Variants in FRMPD1 observed in about 807,000 individuals in gnomAD.
FRMPD1 encodes FERM and PDZ domain-containing protein 1.
A neutral mutation model predicts 117.8 loss-of-function variants in FRMPD1; 76 were observed. The observed-to-expected ratio is 0.65, with a 90% CI of 0.54 to 0.78. The LOEUF is 0.78. FRMPD1 is among the 30% of genes least tolerant of loss of function. The probability of loss-of-function intolerance (pLI) is 0.00; values close to 1 mark genes in which losing one functional copy is unlikely to be tolerated. For synonymous variants in FRMPD1, 783 were observed against 770.4 expected (o/e 1.02, Z -0.27); for missense variants, 1,786 against 1,964.5 (o/e 0.91, Z 1.72).
At chr9:37,706,385 G>T (rs1343321717) in intron 2 of FRMPD1, among the ~76,000 whole-genome samples, 1 of 152,172 alleles carries the variant, frequency 6.6e-6, no homozygotes, top group Non-Finnish European at 1.5e-5. Flanking sequence ...ATTAGGCAGG[G>T]TTCCTGAAAG....
chr9:37,619,479 C>T, the FRMPD1 span, among the ~76,000 whole-genome samples: 3 of 152,206 alleles, frequency 2.0e-5, no homozygotes, highest in Non-Finnish European at 2.9e-5. Flanking sequence ...TGAATCAAGG[C>T]CAGTGCAGTG....
chr9:37,606,118 G>A, the FRMPD1 span, among the ~76,000 whole-genome samples: 4 of 152,212 alleles, frequency 2.6e-5, no homozygotes, highest in Non-Finnish European at 4.4e-5. Flanking sequence ...TAGGGGCTAA[G>A]GTTATGGCAG....
intron 1 of FRMPD1, among the ~76,000 whole-genome samples, chr9:37,652,645 C>G (rs1459589699): frequency 1.3e-5 from 2 of 152,214 alleles, no homozygotes; most frequent in Non-Finnish European, 2.9e-5. Flanking sequence ...AGACCCCATC[C>G]TTGAAGCTAA....
At chr9:37,623,168 C>A in the FRMPD1 span, among the ~76,000 whole-genome samples, 3 of 152,160 alleles carry the variant, frequency 2.0e-5, no homozygotes, top group African/African-American at 7.2e-5. Context: ...ATGCTACATT[C>A]ATTGATGAAT....
At chr9:37,703,411 C>G (rs1309076214) in intron 2 of FRMPD1, among the ~76,000 whole-genome samples, 1 of 152,156 alleles carries the variant, frequency 6.6e-6, no homozygotes, top group East Asian at 1.9e-4. Flanking sequence ...AATTCACTTG[C>G]TTTGAGCATG....
the FRMPD1 span, among the ~76,000 whole-genome samples, chr9:37,639,288 G>A: frequency 2.0e-5 from 3 of 151,936 alleles, no homozygotes; most frequent in African/African-American, 4.8e-5. Context: ...CTTTGCAAGG[G>A]TATGATGTCA....
chr9:37,645,986 C>T (rs954897908), upstream of FRMPD1, among the ~76,000 whole-genome samples: 4 of 152,104 alleles, frequency 2.6e-5, no homozygotes, highest in South Asian at 2.1e-4. Context: ...AGAGGTGAGG[C>T]GATTTTCCCA....
intron 7 of FRMPD1, among the ~76,000 whole-genome samples, chr9:37,726,015 G>A (rs985467229): frequency 6.6e-6 from 1 of 152,186 alleles, no homozygotes; most frequent in Non-Finnish European, 1.5e-5. Context: ...AAAGGACTTT[G>A]AGGTAGTTTA....
At chr9:37,611,852 T>C in the FRMPD1 span, among the ~76,000 whole-genome samples, 184 of 152,300 alleles carry the variant, frequency 1.2e-3, 1 homozygote, top group African/African-American at 4.4e-3. Context: ...TTTTTTCCCT[T>C]TACTCCTTAT....
the FRMPD1 span, among the ~76,000 whole-genome samples, chr9:37,638,265 G>A: frequency 2.0e-5 from 3 of 151,924 alleles, no homozygotes; most frequent in Admixed American, 1.3e-4. Context: ...GTAGAGACAG[G>A]TTTCACCATG....
chr9:37,649,400 A>C (rs1820599117), upstream of FRMPD1, among the ~76,000 whole-genome samples: 1 of 152,208 alleles, frequency 6.6e-6, no homozygotes, highest in Non-Finnish European at 1.5e-5. Flanking sequence ...CCTGGGGCAG[A>C]ACTTTGTATA....
intron 1 of FRMPD1, among the ~76,000 whole-genome samples, chr9:37,675,013 A>G (rs1413071448): frequency 2.6e-5 from 4 of 152,214 alleles, no homozygotes; most frequent in Admixed American, 6.5e-5. Flanking sequence ...GTATACAGGA[A>G]AGTGACAAGG....
chr9:37,605,555 G>A, the FRMPD1 span, among the ~76,000 whole-genome samples: 1 of 152,156 alleles, frequency 6.6e-6, no homozygotes, highest in Admixed American at 6.6e-5. Flanking sequence ...GTGCCCTAGA[G>A]GAGCCCCCTG....
chr9:37,614,067 C>A, the FRMPD1 span, among the ~76,000 whole-genome samples: 1 of 152,190 alleles, frequency 6.6e-6, no homozygotes, highest in Non-Finnish European at 1.5e-5. Flanking sequence ...GACTTTATTT[C>A]TGAGTTTCTT....
At chr9:37,633,163 C>T in the FRMPD1 span, among the ~76,000 whole-genome samples, 1 of 151,870 alleles carries the variant, frequency 6.6e-6, no homozygotes, top group Non-Finnish European at 1.5e-5. Context: ...CCTCAGCCTC[C>T]CAAGTAGCTG....
intron 2 of FRMPD1, among the ~76,000 whole-genome samples, chr9:37,697,879 A>G (rs1012819664): frequency 2.0e-5 from 3 of 152,200 alleles, no homozygotes; most frequent in Non-Finnish European, 2.9e-5. Context: ...CACTTTGGGA[A>G]GCCAAGATGG....
chr9:37,651,872 G>A (rs756890747), intron 1 of FRMPD1, among the ~76,000 whole-genome samples: 1 of 152,206 alleles, frequency 6.6e-6, no homozygotes, highest in Non-Finnish European at 1.5e-5. Context: ...CGGAACCTCC[G>A]GATCTCTGCA....
intron 7 of FRMPD1, among the ~76,000 whole-genome samples, chr9:37,724,570 C>T (rs1454845664): frequency 6.6e-6 from 1 of 152,108 alleles, no homozygotes; most frequent in Non-Finnish European, 1.5e-5. Context: ...GATGAAGTGA[C>T]TTGCCCAAAG....
chr9:37,694,211 T>C (rs1822244169), intron 2 of FRMPD1, among the ~76,000 whole-genome samples: 1 of 152,214 alleles, frequency 6.6e-6, no homozygotes, highest in Admixed American at 6.5e-5. Flanking sequence ...TTAAAAGAGA[T>C]TCTGTGGCCA....
Sources: gnomAD v4.1 joint callset for allele counts (sites outside exome capture counted in the v4.1 genomes callset) on GRCh38, gnomAD v4.1.1 for gene constraint, MANE v1.5 for transcripts, NCBI Gene and HGNC (gene_info 2026-07-23, HGNC 2026-07-21) for gene names.